The following CALB2 variants were observed in gnomAD, a reference collection of about 807,000 sequenced individuals.
The protein encoded by CALB2 is calretinin.
CALB2 carries 34 observed loss-of-function variants against 45.9 expected under a neutral mutation model. The ratio of observed to expected loss-of-function variants is 0.74; its 90% confidence interval spans 0.56 to 0.99. The LOEUF is 0.99. Among genes scored for constraint, CALB2 ranks in the 50% least tolerant of loss-of-function variants. The pLI is 0.00. For missense variants in CALB2, 344 were observed against 339.3 expected, an observed-to-expected ratio of 1.01 and a Z score of -0.11; for synonymous variants, 142 against 129.6, an observed-to-expected ratio of 1.10 and a Z score of -0.65.
At chr16:71,387,455 A>C (rs1003984282) in intron 10 of CALB2, among the ~76,000 whole-genome samples, 1 of 149,752 alleles carries the variant, frequency 6.7e-6, no homozygotes, top group East Asian at 1.9e-4. Flanking sequence ...GCTGGAACGG[A>C]AGGGCCTTTT....
chr16:71,385,425 G>A (rs2042559160), intron 9 of CALB2, 152 bp from the exon 10 acceptor site: 1 of 555,688 alleles, frequency 1.8e-6, no homozygotes, highest in Non-Finnish European at 3.1e-6. Flanking sequence ...GGTTAAGGCA[G>A]AAGGGACACA....
intron 1 of CALB2, among the ~76,000 whole-genome samples, chr16:71,371,703 A>C (rs536190854): frequency 5.9e-5 from 9 of 152,108 alleles, no homozygotes; most frequent in South Asian, 2.1e-4. Context: ...CATCTTAACT[A>C]ATGACATCTG....
intron 10 of CALB2, 75 bp downstream of exon 10, chr16:71,385,723 G>C: frequency 1.6e-6 from 2 of 1,223,974 alleles, no homozygotes; most frequent in Non-Finnish European, 1.2e-6. Flanking sequence ...GGAGGGGAAA[G>C]GTGCCTGGTC....
intron 5 of CALB2, 41 bp from the exon 6 acceptor site, chr16:71,383,326 T>C: frequency 6.4e-7 from 1 of 1,566,228 alleles, no homozygotes; most frequent in Non-Finnish European, 8.8e-7. Context: ...AGGGACCGAA[T>C]GCACGAGTCA....
chr16:71,385,985 C>A (rs1187400861), intron 10 of CALB2, among the ~76,000 whole-genome samples: 1 of 152,126 alleles, frequency 6.6e-6, no homozygotes, highest in Admixed American at 6.5e-5. Context: ...AAAACCTGTA[C>A]CCATTAAAAA....
At position 71,358,765 on chromosome 16, in the gene CALB2, G is replaced by A; in HGVS notation, c.-28G>A. On this transcript the variant is annotated 5_prime_UTR_variant, in exon 1 of 11. Coordinates refer to ENST00000302628, the MANE Select transcript of CALB2 (RefSeq NM_001740.5). ...CCAGCCGGCGCGGAGCGGGAGCGGTGCAGGCTGAGGTCTCCGAGCGGCTCG... is the reference window on the plus strand; with the variant it reads ...CCAGCCGGCGCGGAGCGGGAGCGGTACAGGCTGAGGTCTCCGAGCGGCTCG... 3 of 1,577,478 alleles carry A rather than the reference G, an allele frequency of 1.9e-6. No individual in the cohort carries two copies. Among genetic ancestry groups the A allele is most frequent in the East Asian group, 4.6e-5 (2 of 43,646 alleles).
At chr16:71,371,116 A>AAT (rs2042345943) in intron 1 of CALB2, among the ~76,000 whole-genome samples, 1 of 152,204 alleles carries the variant, frequency 6.6e-6, no homozygotes, top group Non-Finnish European at 1.5e-5. Flanking sequence ...GTTTAATTAT[A>AAT]ATAACCCACT....
intron 7 of CALB2, 61 bp from the exon 8 acceptor site, chr16:71,384,278 C>G (rs1354422431): frequency 7.1e-7 from 1 of 1,400,214 alleles, no homozygotes; most frequent in Non-Finnish European, 1.0e-6. Context: ...CTGCCTTCCC[C>G]TCTCCCGCTT....
At chr16:71,376,047 G>C (rs2042407612) in intron 3 of CALB2, among the ~76,000 whole-genome samples, 1 of 152,202 alleles carries the variant, frequency 6.6e-6, no homozygotes, top group Non-Finnish European at 1.5e-5. Flanking sequence ...GAGGCACCAA[G>C]AATGGCCACT....
intron 1 of CALB2, among the ~76,000 whole-genome samples, chr16:71,366,020 C>CTTTTTTTTTTTTTTTTTTTTTT (rs2042281945): frequency 2.1e-4 from 6 of 28,868 alleles, no homozygotes; most frequent in African/African-American, 8.2e-4. Context: ...TTCCCTCTCT[C>CTTTTTTTTTTTTTTTTTTTTTT]TCTCTTTTTT....
rs1488037568 is a variant in CALB2, at chr16:71,358,801, C to T, written c.9C>T (p.Gly3=). 6.2e-7 allele frequency: 1 copy of T among 1,605,144 alleles called. No individual in the cohort carries two copies. The highest frequency in any genetic ancestry group is 8.5e-7 in the Non-Finnish European group (1 of 1,177,300). The change falls in exon 1 of 11, where the codon GGC becomes GGT. Residue 3 remains glycine, a synonymous_variant. Transcript: ENST00000302628. ...TCTCCGAGCGGCTCGCCATGGCTGG[C>T]CCGCAGCAGCAGCCCCCTTACCTGC... MA[G]PQQQPPYLHL...
At chr16:71,364,117 C>G (rs2042259226) in intron 1 of CALB2, among the ~76,000 whole-genome samples, 3 of 152,184 alleles carry the variant, frequency 2.0e-5, no homozygotes, top group African/African-American at 7.2e-5. Context: ...CAGCTCTACG[C>G]TGGGTACCTC....
intron 1 of CALB2, among the ~76,000 whole-genome samples, chr16:71,369,564 A>C (rs1255544964): frequency 6.6e-6 from 1 of 152,100 alleles, no homozygotes; most frequent in Non-Finnish European, 1.5e-5. Flanking sequence ...AGTTCCTTTC[A>C]GCCACCTCCC....
chr16:71,375,775 G>A (rs1238496228), intron 3 of CALB2, among the ~76,000 whole-genome samples: 1 of 152,204 alleles, frequency 6.6e-6, no homozygotes, highest in Admixed American at 6.5e-5. Flanking sequence ...TAGGCTTATA[G>A]GGACTCTGGA....
At chr16:71,378,870 G>A (rs190357359) in intron 4 of CALB2, among the ~76,000 whole-genome samples, 2 of 152,304 alleles carry the variant, frequency 1.3e-5, no homozygotes, top group East Asian at 1.9e-4. Flanking sequence ...GGCTAGAGAA[G>A]GATGGACTTA....
chr16:71,359,153 G>C (rs920218454), intron 1 of CALB2, among the ~76,000 whole-genome samples: 3 of 152,226 alleles, frequency 2.0e-5, no homozygotes. Context: ...CTTTCTCAGA[G>C]AGGTGGCCTG....
intron 1 of CALB2, among the ~76,000 whole-genome samples, chr16:71,363,724 G>C (rs1381973301): frequency 1.3e-5 from 2 of 152,216 alleles, no homozygotes; most frequent in Non-Finnish European, 2.9e-5. Flanking sequence ...AACACATGCT[G>C]AAATAGGGTC....
intron 10 of CALB2, among the ~76,000 whole-genome samples, chr16:71,388,923 G>A (rs947119759): frequency 6.7e-5 from 10 of 150,100 alleles, no homozygotes; most frequent in African/African-American, 1.7e-4. Context: ...GCTTGAACCC[G>A]GGAGGCAGAG....
chr16:71,365,193 C>T (rs191227075), intron 1 of CALB2, among the ~76,000 whole-genome samples: 165 of 152,290 alleles, frequency 1.1e-3, no homozygotes, highest in Admixed American at 2.9e-3. Flanking sequence ...CCAGATAGAC[C>T]GACAAGCGGC....
Sources: allele counts gnomAD v4.1 joint callset (sites outside exome capture counted in the v4.1 genomes callset), GRCh38; gene constraint gnomAD v4.1.1; transcripts MANE v1.5; gene names NCBI Gene and HGNC (gene_info 2026-07-23, HGNC 2026-07-21).